Variants in SLC5A3 observed in about 807,000 individuals in gnomAD.
SLC5A3 encodes sodium/myo-inositol cotransporter.
A neutral mutation model predicts 43.2 loss-of-function variants in SLC5A3; 10 were observed. The ratio of observed to expected loss-of-function variants is 0.23; its 90% confidence interval spans 0.14 to 0.39. The LOEUF is 0.39. SLC5A3 is among the 10% of genes least tolerant of loss of function. The pLI is 1.00. For missense variants in SLC5A3, 608 were observed against 893.4 expected, an observed-to-expected ratio of 0.68 and a Z score of 4.07; for synonymous variants, 349 against 322.0, an observed-to-expected ratio of 1.08 and a Z score of -0.90.
In SLC5A3 at chr21:34,098,346, G is replaced by C. The variant is rs779159181; in HGVS notation, c.*991G>C. 8 of 1,000,044 alleles carry C rather than the reference G, an allele frequency of 8.0e-6. No individual in the cohort carries two copies. The Admixed American group carries it at 4.9e-4, about 61-fold the overall frequency. 61.9% of individuals were successfully genotyped at this position (1,000,044 alleles called of 1,614,324 possible). A position where few individuals can be genotyped will look rare whatever the true frequency, so the allele number is the denominator to read the frequency against. On this transcript the variant is annotated 3_prime_UTR_variant, in exon 2 of 2. Transcript: ENST00000381151. ...TCCAGAAACCTGAAGAAAAATTGAC[G>C]CTGCCTTTGTGTGCTGGATTGCTCT...
chr21:34,090,627 C>T (rs368801398), intron 1 of SLC5A3, among the ~76,000 whole-genome samples: 1 of 152,192 alleles, frequency 6.6e-6, no homozygotes, highest in African/African-American at 2.4e-5. Context: ...AATATCACTT[C>T]TAGTATATTC....
chr21:34,105,569 T>C lies in SLC5A3; in HGVS notation c.*8214T>C. ...TCCTGCTTATGATGCTTTGTTCAGA[T>C]TTTTTGTAAGAGACCAGTTAGTACA... On this transcript the variant is annotated 3_prime_UTR_variant, in exon 2 of 2. Coordinates refer to ENST00000381151, the MANE Select transcript of SLC5A3 (RefSeq NM_006933.7). The C allele has an allele frequency of 1.0e-6, 1 of 1,000,030 alleles. No homozygotes were observed. Among genetic ancestry groups the C allele is most frequent in the South Asian group, 4.7e-5 (1 of 21,284 alleles). The allele number at this position is 1,000,030 out of a possible 1,614,324, so 61.9% of individuals were successfully genotyped here.
Position 34,101,078 on chromosome 21 carries a change from G to C in SLC5A3, c.*3723G>C, listed in dbSNP as rs1979215956. On this transcript the variant is annotated 3_prime_UTR_variant, in exon 2 of 2. Coordinates refer to ENST00000381151, the MANE Select transcript of SLC5A3 (RefSeq NM_006933.7). ...GAGAGATGTATACAAGACCTTTCCT[G>C]TTAAATTACGTGACTACAGAGACTT... 2.0e-6 allele frequency: 2 copies of C among 999,974 alleles called. No individual in the cohort carries two copies. Among genetic ancestry groups the C allele is most frequent in the Non-Finnish European group, 1.2e-6 (1 of 829,924 alleles). 61.9% of individuals were successfully genotyped at this position (999,974 alleles called of 1,614,324 possible).
Position 34,096,890 on chromosome 21 carries a change from A to G in SLC5A3, c.1692A>G (p.Pro564=). 5 of 1,614,176 alleles carry G rather than the reference A, an allele frequency of 3.1e-6. No homozygotes were observed. Among genetic ancestry groups the G allele is most frequent in the South Asian group, 1.1e-5 (1 of 91,084 alleles). The change falls in exon 2 of 2, where the codon CCA becomes CCG. Residue 564 remains proline (P), a synonymous_variant. Transcript: ENST00000381151. This position sits in a 1 kb window ranked among gnomAD's most constrained non-coding sequence, Gnocchi z 5.9. Reference sequence around the variant, plus strand: ...AGAACTGCTCCCCAAAAGAGGAACCATACAAAATGCAAGAAAAGAGCATTC... The same window carrying G: ...AGAACTGCTCCCCAAAAGAGGAACCGTACAAAATGCAAGAAAAGAGCATTC... ...VKENCSPKEE[P]YKMQEKSILR... is the part of the protein sequence containing the mutation.
In SLC5A3 at chr21:34,095,055, C is replaced by G; in HGVS notation, c.-144C>G. 1.0e-6 allele frequency: 1 copy of G among 957,230 alleles called. No homozygotes were observed. Among genetic ancestry groups the G allele is most frequent in the South Asian group, 2.0e-5 (1 of 48,826 alleles). 59.3% of individuals were successfully genotyped at this position (957,230 alleles called of 1,614,324 possible). A position where few individuals can be genotyped will look rare whatever the true frequency, so the allele number is the denominator to read the frequency against. ...AACCACCACCATCAAGACAGCAAAC[C>G]AAAGGACAAAGACTTTGACCCTGCT... On this transcript the variant is annotated 5_prime_UTR_variant, in exon 2 of 2. Coordinates refer to ENST00000381151, the MANE Select transcript of SLC5A3 (RefSeq NM_006933.7).
At chr21:34,078,770 A>G (rs1731903958) in intron 1 of SLC5A3, among the ~76,000 whole-genome samples, 1 of 152,236 alleles carries the variant, frequency 6.6e-6, no homozygotes, top group Non-Finnish European at 1.5e-5. Context: ...AGGGTAGAGA[A>G]CAAATGATAA....
At chr21:34,074,476 G>GGT (rs1161230960) in intron 1 of SLC5A3, among the ~76,000 whole-genome samples, 2 of 152,204 alleles carry the variant, frequency 1.3e-5, no homozygotes, top group Non-Finnish European at 2.9e-5. Context: ...TTGATCTTGA[G>GGT]GTAGGGGATT....
intron 1 of SLC5A3, among the ~76,000 whole-genome samples, chr21:34,078,771 CA>C (rs1256766488): frequency 6.6e-6 from 1 of 152,118 alleles, no homozygotes; most frequent in Non-Finnish European, 1.5e-5. Context: ...GGGTAGAGAA[CA>C]AATGATAAAA....
intron 1 of SLC5A3, among the ~76,000 whole-genome samples, chr21:34,087,129 C>T (rs1464017459): frequency 6.6e-6 from 1 of 152,192 alleles, no homozygotes; most frequent in Non-Finnish European, 1.5e-5. Flanking sequence ...CAGGTTTTTA[C>T]TATGTCATGG....
Position 34,104,340 on chromosome 21 carries a change from C to G in SLC5A3, c.*6985C>G. 4 of 999,882 alleles carry G rather than the reference C, an allele frequency of 4.0e-6. No homozygotes were observed. Among genetic ancestry groups the G allele is most frequent in the Non-Finnish European group, 3.6e-6 (3 of 829,702 alleles). 61.9% of individuals were successfully genotyped at this position (999,882 alleles called of 1,614,324 possible). Reference sequence around the variant, plus strand: ...GTGTGTGTAGAAGAAAACGTATGTTCTTCTACTCAGCATTGCCCTTTTCCA... The same window carrying G: ...GTGTGTGTAGAAGAAAACGTATGTTGTTCTACTCAGCATTGCCCTTTTCCA... On this transcript the variant is annotated 3_prime_UTR_variant, in exon 2 of 2. Coordinates refer to ENST00000381151, the MANE Select transcript of SLC5A3 (RefSeq NM_006933.7).
At position 34,099,281 on chromosome 21, in the gene SLC5A3, G is replaced by A. The variant is rs901887969; in HGVS notation, c.*1926G>A. On this transcript the variant is annotated 3_prime_UTR_variant, in exon 2 of 2. Coordinates refer to ENST00000381151, the MANE Select transcript of SLC5A3 (RefSeq NM_006933.7). ...TTTCTTGTTTGGAAGTTGAGGCTGC[G>A]ACATGTCCAAGGTTATGAAGTCTCT... is the stretch of plus-strand genomic sequence containing the variant. 4.0e-6 allele frequency: 4 copies of A among 1,000,028 alleles called. No homozygotes were observed. Among genetic ancestry groups the A allele is most frequent in the East Asian group, 1.1e-4 (1 of 8,836 alleles). 61.9% of individuals were successfully genotyped at this position (1,000,028 alleles called of 1,614,324 possible). A position where few individuals can be genotyped will look rare whatever the true frequency, so the allele number is the denominator to read the frequency against.
Position 34,095,880 on chromosome 21 carries a change from T to C in SLC5A3, c.682T>C (p.Leu228=), listed in dbSNP as rs1978944182. The C allele has an allele frequency of 3.1e-6, 5 of 1,614,126 alleles. No individual in the cohort carries two copies. The highest frequency in any genetic ancestry group is 4.2e-6 in the Non-Finnish European group (5 of 1,179,992). Residue 228 remains leucine, a synonymous_variant, in exon 2 of 2, where the codon TTA becomes CTA. Transcript: ENST00000381151. ...MLASPDVTSI[L]LTYNLSNTNS... ...GGCCTCACCCGATGTCACTTCCATC[T>C]TATTGACATACAACCTTTCCAACAC...
At chr21:34,094,705 T>C (rs1437876983) in intron 1 of SLC5A3, among the ~76,000 whole-genome samples, 158 bp from the exon 2 acceptor site, 1 of 151,524 alleles carries the variant, frequency 6.6e-6, no homozygotes, top group East Asian at 1.9e-4. Flanking sequence ...ATCATATAGA[T>C]TGCTCTTTCC....
rs754591211 is a variant in SLC5A3, at chr21:34,095,542, A to G, written c.344A>G (p.Lys115Arg). Residue 115 changes from lysine to arginine, a missense_variant, in exon 2 of 2, where the codon AAG becomes AGG. Lys to Arg is a conservative substitution (Grantham distance 26, BLOSUM62 2). This residue lies in a region of SLC5A3 where 398 missense variants were observed against 668.6 expected (regional missense o/e 0.60). Coordinates refer to ENST00000381151, the MANE Select transcript of SLC5A3 (RefSeq NM_006933.7). ...GVYTMPEYLS[K>R]RFGGHRIQVY... ...TATACCATGCCTGAATACTTGTCCA[A>G]GCGATTTGGTGGCCATAGGATTCAG... 1 of 1,613,160 alleles carries G rather than the reference A, an allele frequency of 6.2e-7. No individual in the cohort carries two copies. Among genetic ancestry groups the G allele is most frequent in the Non-Finnish European group, 8.5e-7 (1 of 1,179,878 alleles).
chr21:34,105,235 A>G lies in SLC5A3; in HGVS notation c.*7880A>G. 1 of 1,000,242 alleles carries G rather than the reference A, an allele frequency of 1.0e-6. No homozygotes were observed. Among genetic ancestry groups the G allele is most frequent in the South Asian group, 4.7e-5 (1 of 21,292 alleles). 62.0% of individuals were successfully genotyped at this position (1,000,242 alleles called of 1,614,324 possible). ...AGGGATTTACCCGTTCTTTGCTTGG[A>G]CATCCCATTTTCTTTTGTCCAGACC... is the stretch of plus-strand genomic sequence containing the variant. On this transcript the variant is annotated 3_prime_UTR_variant, in exon 2 of 2. Coordinates refer to ENST00000381151, the MANE Select transcript of SLC5A3 (RefSeq NM_006933.7).
intron 1 of SLC5A3, among the ~76,000 whole-genome samples, chr21:34,089,633 T>A (rs1978578048): frequency 6.6e-6 from 1 of 152,284 alleles, no homozygotes; most frequent in South Asian, 2.1e-4. Context: ...TGGTTTACTT[T>A]GGAAATTATC....
At position 34,096,396 on chromosome 21, in the gene SLC5A3, A is replaced by G. The variant is rs781054160; in HGVS notation, c.1198A>G (p.Lys400Glu). Residue 400 changes from lysine to glutamate, a missense_variant, in exon 2 of 2, where the codon AAG becomes GAG. Around this residue, in one of 2 missense-constraint regions of SLC5A3, gnomAD observed 398 missense variants for 668.6 expected, o/e 0.60. Transcript: ENST00000381151. This position sits in a 1 kb window ranked among gnomAD's most constrained non-coding sequence, Gnocchi z 5.9. ...FTLDVYKLIR[K>E]SASSRELMIV... ...CCTCGATGTGTACAAACTTATCCGC[A>G]AGAGCGCAAGCTCCCGGGAGTTAAT... The G allele has an allele frequency of 2.5e-6, 4 of 1,614,176 alleles. No homozygotes were observed. Among genetic ancestry groups the G allele is most frequent in the South Asian group, 2.2e-5 (2 of 91,076 alleles).
At position 34,097,789 on chromosome 21, in the gene SLC5A3, ATTTC is replaced by A. The variant is rs1419499285; in HGVS notation, c.*437_*440del. On this transcript the variant is annotated 3_prime_UTR_variant, in exon 2 of 2. Coordinates refer to ENST00000381151, the MANE Select transcript of SLC5A3 (RefSeq NM_006933.7). ...TCCCTCCTACCATTAAGAAAAACTT[ATTTC>A]TTAGACATTGTACAATCAGTTATGT... The A allele has an allele frequency of 1.5e-5, 15 of 999,992 alleles. No homozygotes were observed. The highest frequency in any genetic ancestry group is 1.8e-5 in the Non-Finnish European group (15 of 829,564). The allele number at this position is 999,992 out of a possible 1,614,324, so 61.9% of individuals were successfully genotyped here.
Position 34,095,288 on chromosome 21 carries a change from A to G in SLC5A3, c.90A>G (p.Lys30=). ...GCATTGGTTTTTTTGCCATGTGGAAATCTAATAGAAGCACCGTGAGTGGAT... is the reference window on the plus strand; with the variant it reads ...GCATTGGTTTTTTTGCCATGTGGAAGTCTAATAGAAGCACCGTGAGTGGAT... The part of the protein sequence containing the change: ...VMCIGFFAMW[K]SNRSTVSGYF... Residue 30 remains lysine (K), a synonymous_variant, in exon 2 of 2, where the codon AAA becomes AAG. Coordinates refer to ENST00000381151, the MANE Select transcript of SLC5A3 (RefSeq NM_006933.7). The G allele has an allele frequency of 6.2e-7, 1 of 1,614,146 alleles. No homozygotes were observed. The highest frequency in any genetic ancestry group is 1.1e-5 in the South Asian group (1 of 91,080).
Sources: gnomAD v4.1 joint callset for allele counts (sites outside exome capture counted in the v4.1 genomes callset) on GRCh38, gnomAD v4.1.1 for gene constraint, gnomAD v4.1.1 regional missense constraint, Gnocchi (gnomAD v3.1) non-coding constraint, MANE v1.5 for transcripts, NCBI Gene and HGNC (gene_info 2026-07-23, HGNC 2026-07-21) for gene names.